LONP2: variants seen among roughly 807,000 people sequenced by gnomAD.
LONP2 encodes lon peptidase 2, peroxisomal.
In LONP2, 60 loss-of-function variants were observed where a neutral mutation model predicts 85.6. The ratio of observed to expected loss-of-function variants is 0.70; its 90% CI spans 0.57 to 0.87. The LOEUF (loss-of-function observed/expected upper bound fraction) is 0.87, where lower values mean the gene tolerates loss of function less well. LONP2 is among the 40% of genes least tolerant of loss of function. The pLI is 0.00. For missense variants in LONP2, 860 were observed against 1,063.5 expected (o/e 0.81, Z 2.66); for synonymous variants, 395 against 389.7 (o/e 1.01, Z -0.16).
At chr16:48,349,176 G>A (rs1217194405) in intron 14 of LONP2, among the ~76,000 whole-genome samples, 1 of 149,498 alleles carries the variant, frequency 6.7e-6, no homozygotes, top group Non-Finnish European at 1.5e-5. Context: ...TGTTAGTTGA[G>A]TATTAGTCTA....
chr16:48,352,019 G>C lies in LONP2; in HGVS notation c.*217G>C. The C allele has an allele frequency of 1.8e-6, 1 of 568,650 alleles. No individual in the cohort carries two copies. Among genetic ancestry groups the C allele is most frequent in the Non-Finnish European group, 3.1e-6 (1 of 320,584 alleles). The allele number at this position is 568,650 out of a possible 1,614,324, so 35.2% of individuals were successfully genotyped here. On this transcript the variant is annotated 3_prime_UTR_variant, in exon 15 of 15. Coordinates refer to ENST00000285737, the MANE Select transcript of LONP2 (RefSeq NM_031490.5). ...AAAATCGAATTCTTGTCTTTTTAGT[G>C]GGATCCTTACTGTCCCTGGAAAGAT... is the stretch of plus-strand genomic sequence containing the variant.
Position 48,306,678 on chromosome 16 carries a change from G to A in LONP2, c.1795+3373G>A, listed in dbSNP as rs1011428641. Among the ~76,000 whole-genome samples the A allele has an allele frequency of 2.6e-4, 39 of 152,152 alleles. 1 individual carries two copies. The highest frequency in any genetic ancestry group is 7.3e-5 in the Non-Finnish European group (5 of 68,034). On this transcript the variant is annotated intron_variant, in intron 11 of 14. Coordinates refer to ENST00000285737, the MANE Select transcript of LONP2 (RefSeq NM_031490.5). ...AATAACAGCCATTCTCTAGACCTTAGTAGAATGATTATTAGGTGTCCTGAA... is the reference window on the plus strand; with the variant it reads ...AATAACAGCCATTCTCTAGACCTTAATAGAATGATTATTAGGTGTCCTGAA...
In LONP2 at chr16:48,362,534, A is replaced by C. The variant is rs1006572064; in HGVS notation, c.*671A>C. ...AAGTCCTTTTAAAGTTTCATACAAA[A>C]TTTACTGAGCAAAAGAGGAAGAAAA... On this transcript the variant is annotated 3_prime_UTR_variant, in exon 5 of 5. Transcript: ENST00000565867. This position sits in a 1 kb window ranked among gnomAD's most constrained non-coding sequence, Gnocchi z 4.2. 3.4e-6 allele frequency: 4 copies of C among 1,170,350 alleles called. No individual in the cohort carries two copies. Among genetic ancestry groups the C allele is most frequent in the Non-Finnish European group, 4.8e-6 (4 of 825,256 alleles). 72.5% of individuals were successfully genotyped at this position (1,170,350 alleles called of 1,614,324 possible).
intron 1 of LONP2, among the ~76,000 whole-genome samples, chr16:48,248,338 C>G (rs1270818532): frequency 6.7e-6 from 1 of 148,430 alleles, no homozygotes; most frequent in Admixed American, 6.8e-5. Context: ...GTTGCGCAAA[C>G]TGGTTTCGAA....
At chr16:48,307,701 A>G (rs1018381659) in intron 11 of LONP2, among the ~76,000 whole-genome samples, 8 of 152,088 alleles carry the variant, frequency 5.3e-5, no homozygotes, top group Non-Finnish European at 1.0e-4. Flanking sequence ...AATTGGTTAG[A>G]AAAAAAAGAC....
chr16:48,311,341 A>AT (rs1973026990), intron 11 of LONP2, among the ~76,000 whole-genome samples: 1 of 149,252 alleles, frequency 6.7e-6, no homozygotes, highest in African/African-American at 2.4e-5. Context: ...GGCTCTACTC[A>AT]TTTTTTAAAA....
chr16:48,258,858 G>T, intron 4 of LONP2, 118 bp downstream of exon 4: 2 of 925,258 alleles, frequency 2.2e-6, no homozygotes, highest in Non-Finnish European at 1.5e-6. Context: ...AAATTTAGGT[G>T]TTTCCCTCTC....
chr16:48,253,972 A>G (rs2150963877), intron 2 of LONP2, among the ~76,000 whole-genome samples: 1 of 152,252 alleles, frequency 6.6e-6, no homozygotes, highest in Non-Finnish European at 1.5e-5. Flanking sequence ...TTAGACATTA[A>G]AGTTATTTCC....
At chr16:48,245,605 C>T (rs549855311) in intron 1 of LONP2, among the ~76,000 whole-genome samples, 1 of 152,120 alleles carries the variant, frequency 6.6e-6, no homozygotes, top group Non-Finnish European at 1.5e-5. Context: ...TTAGCCCCTC[C>T]GTCCCAGGGA....
intron 2 of LONP2, among the ~76,000 whole-genome samples, chr16:48,254,834 T>G (rs920239147): frequency 6.6e-6 from 1 of 152,240 alleles, no homozygotes; most frequent in Admixed American, 6.5e-5. Context: ...AGCAGTGTTT[T>G]GGGTCTGGCA....
chr16:48,276,259 T>G (rs1972205768), intron 7 of LONP2, among the ~76,000 whole-genome samples: 1 of 152,232 alleles, frequency 6.6e-6, no homozygotes, highest in East Asian at 1.9e-4. Context: ...ATGATATTTT[T>G]AAGGCTTGCT....
chr16:48,322,577 T>C (rs910164803), intron 11 of LONP2, among the ~76,000 whole-genome samples: 3 of 152,098 alleles, frequency 2.0e-5, no homozygotes, highest in East Asian at 1.9e-4. Flanking sequence ...AAAATAATGA[T>C]GAAAAGCATA....
intron 12 of LONP2, among the ~76,000 whole-genome samples, chr16:48,340,197 G>A (rs965619724): frequency 6.6e-6 from 1 of 152,164 alleles, no homozygotes; most frequent in African/African-American, 2.4e-5. Flanking sequence ...AAAGTTGCAA[G>A]GCAGCCTCTT....
chr16:48,299,581 C>T, intron 9 of LONP2, 81 bp from the exon 10 acceptor site: 2 of 1,353,744 alleles, frequency 1.5e-6, no homozygotes, highest in Non-Finnish European at 2.0e-6. Context: ...GACTCTGTCT[C>T]TAAAAAAAAA....
chr16:48,359,324 TACA>T (rs1960489389), downstream of LONP2, among the ~76,000 whole-genome samples: 2 of 152,330 alleles, frequency 1.3e-5, no homozygotes, highest in Non-Finnish European at 2.9e-5. Flanking sequence ...CCTTTCACCA[TACA>T]ACATTAAATA....
chr16:48,300,048 A>T (rs1409530251), intron 10 of LONP2, among the ~76,000 whole-genome samples: 1 of 152,238 alleles, frequency 6.6e-6, no homozygotes, highest in African/African-American at 2.4e-5. Flanking sequence ...AACCATTTGG[A>T]ATATTGTTAT....
In LONP2 at chr16:48,262,789, T is replaced by A; in HGVS notation, c.899T>A (p.Met300Lys). 1 of 1,608,056 alleles carries A rather than the reference T, an allele frequency of 6.2e-7. No homozygotes were observed. The highest frequency in any genetic ancestry group is 8.5e-7 in the Non-Finnish European group (1 of 1,176,560). Residue 300 changes from methionine to lysine, a missense_variant, in exon 6 of 15, where the codon ATG becomes AAG. This residue lies in a region of LONP2 where 743 missense variants were observed against 917.3 expected (regional missense o/e 0.81). Coordinates refer to ENST00000285737, the MANE Select transcript of LONP2 (RefSeq NM_031490.5). ...CVKEIKRLKK[M>K]PQSMPEYALT... is the part of the protein sequence containing the mutation. ...TTCTTTCTCCACAGACTCAAAAAAA[T>A]GCCTCAGTCAATGCCAGAATATGCT...
chr16:48,256,254 A>G lies in LONP2; in HGVS notation c.469-356A>G, dbSNP rs181662039. On this transcript the variant is annotated intron_variant, in intron 2 of 14. Transcript: ENST00000285737. ...TGCCACTTTTCAGTTGGTGAATTCAATTGGTGAATCTGGAAGAAGGATGTA... is the reference window on the plus strand; with the variant it reads ...TGCCACTTTTCAGTTGGTGAATTCAGTTGGTGAATCTGGAAGAAGGATGTA... Among the ~76,000 whole-genome samples the G allele has an allele frequency of 1.8e-3, 269 of 152,318 alleles. 2 individuals are homozygous for G. The highest frequency in any genetic ancestry group is 2.6e-3 in the Non-Finnish European group (175 of 68,016).
rs879066744 is a variant in LONP2, at chr16:48,347,540, A to G, written c.1972A>G (p.Ile658Val). 2.5e-6 allele frequency: 4 copies of G among 1,614,222 alleles called. No individual in the cohort carries two copies. The highest frequency in any genetic ancestry group is 2.7e-5 in the African/African-American group (2 of 75,054). The change falls in exon 13 of 15, where the codon ATA becomes GTA. Residue 658 changes from isoleucine to valine, a missense_variant. By Grantham distance (29) the Ile-to-Val change is conservative. This residue lies in a region of LONP2 where 743 missense variants were observed against 917.3 expected (regional missense o/e 0.81). Transcript: ENST00000285737. The part of the protein sequence containing the change: ...SQRLSQPGVA[I>V]GLAWTPLGGE... ...GCGTTTGAGTCAGCCAGGAGTAGCA[A>G]TAGGTTTGGCTTGGACTCCCTTAGG...
Sources: gnomAD v4.1 joint callset for allele counts (sites outside exome capture counted in the v4.1 genomes callset) on GRCh38, gnomAD v4.1.1 for gene constraint, gnomAD v4.1.1 regional missense constraint, Gnocchi (gnomAD v3.1) non-coding constraint, MANE v1.5 for transcripts, NCBI Gene and HGNC (gene_info 2026-07-23, HGNC 2026-07-21) for gene names.